The following SLC24A2 variants were observed in gnomAD, a reference collection of about 807,000 sequenced individuals.
The protein encoded by SLC24A2 is sodium/potassium/calcium exchanger 2.
Under a neutral mutation model 62.0 loss-of-function variants are expected in SLC24A2, and 36 were observed. The observed-to-expected ratio is 0.58, with a 90% CI of 0.44 to 0.77. SLC24A2 has a LOEUF of 0.77. Among genes scored for constraint, SLC24A2 ranks in the 30% least tolerant of loss-of-function variants. The pLI is 0.00. For synonymous variants in SLC24A2, 358 were observed against 294.0 expected, an observed-to-expected ratio of 1.22 and a Z score of -2.23; for missense variants, 846 against 817.9, an observed-to-expected ratio of 1.03 and a Z score of -0.42.
At chr9:19,625,167 T>C (rs1818002278) in intron 2 of SLC24A2, among the ~76,000 whole-genome samples, 1 of 152,188 alleles carries the variant, frequency 6.6e-6, no homozygotes, top group Non-Finnish European at 1.5e-5. Flanking sequence ...TTGGCATTCT[T>C]ATGATGCATT....
chr9:20,081,182 T>C, the SLC24A2 span, among the ~76,000 whole-genome samples: 1 of 152,110 alleles, frequency 6.6e-6, no homozygotes, highest in Non-Finnish European at 1.5e-5. Context: ...TGCACACGTA[T>C]GTTTATTGCG....
chr9:20,025,524 G>GTAA, the SLC24A2 span, among the ~76,000 whole-genome samples: 1 of 152,144 alleles, frequency 6.6e-6, no homozygotes, highest in Admixed American at 6.5e-5. Flanking sequence ...CTCCCTGGTA[G>GTAA]TAATAATAAT....
the SLC24A2 span, among the ~76,000 whole-genome samples, chr9:19,832,550 GA>G: frequency 6.6e-6 from 1 of 152,264 alleles, no homozygotes; most frequent in South Asian, 2.1e-4. Context: ...GTAGAAAGCT[GA>G]AACTGGATCC....
chr9:20,091,997 A>T, the SLC24A2 span, among the ~76,000 whole-genome samples: 1 of 152,208 alleles, frequency 6.6e-6, no homozygotes, highest in Admixed American at 6.5e-5. Flanking sequence ...GGGAACAGAA[A>T]ACCGAATACC....
Position 19,516,297 on chromosome 9 carries a change from C to T in SLC24A2, c.1842G>A (p.Leu614=), listed in dbSNP as rs768860932. The change falls in exon 11 of 11, where the codon CTG becomes CTA. Residue 614 remains leucine (L), a synonymous_variant. Coordinates refer to ENST00000341998, the MANE Select transcript of SLC24A2 (RefSeq NM_020344.4). ...FCAIVLLFIM[L]LFVILSIALC... Reference sequence around the variant, plus strand: ...GGGCGATAGAGAGGATGACGAAGAGCAGCATGATGAAGAGAAGGACGATGG... The same window carrying T: ...GGGCGATAGAGAGGATGACGAAGAGTAGCATGATGAAGAGAAGGACGATGG... The T allele has an allele frequency of 3.1e-6, 5 of 1,614,026 alleles. No individual in the cohort carries two copies. Among genetic ancestry groups the T allele is most frequent in the Non-Finnish European group, 4.2e-6 (5 of 1,180,028 alleles).
intron 5 of SLC24A2, among the ~76,000 whole-genome samples, chr9:19,578,877 C>T (rs1278546203): frequency 6.6e-6 from 1 of 152,154 alleles, no homozygotes; most frequent in Non-Finnish European, 1.5e-5. Flanking sequence ...GGTCTCTTTG[C>T]CACAACAAAG....
At chr9:20,087,400 A>G in the SLC24A2 span, among the ~76,000 whole-genome samples, 1 of 152,208 alleles carries the variant, frequency 6.6e-6, no homozygotes, top group Non-Finnish European at 1.5e-5. Flanking sequence ...ATGGTTTTCA[A>G]GATACACTTG....
intron 2 of SLC24A2, among the ~76,000 whole-genome samples, chr9:19,656,278 A>C (rs778277475): frequency 2.0e-5 from 3 of 152,198 alleles, no homozygotes; most frequent in Non-Finnish European, 4.4e-5. Context: ...GGAAATACTA[A>C]AAACTAATAC....
At chr9:19,992,863 A>G in the SLC24A2 span, among the ~76,000 whole-genome samples, 1 of 152,212 alleles carries the variant, frequency 6.6e-6, no homozygotes, top group Non-Finnish European at 1.5e-5. Flanking sequence ...CTTCCTGGGA[A>G]CCGCAGGACA....
the SLC24A2 span, among the ~76,000 whole-genome samples, chr9:19,812,208 C>A: frequency 2.0e-5 from 3 of 152,086 alleles, no homozygotes; most frequent in Admixed American, 1.3e-4. Context: ...GGAATGATTT[C>A]TATTTTTTCA....
chr9:19,916,070 G>C, the SLC24A2 span, among the ~76,000 whole-genome samples: 1 of 152,026 alleles, frequency 6.6e-6, no homozygotes. Flanking sequence ...AGATCCGTTA[G>C]AGATAATTTC....
At chr9:20,154,589 T>C in the SLC24A2 span, among the ~76,000 whole-genome samples, 2 of 151,350 alleles carry the variant, frequency 1.3e-5, no homozygotes, top group African/African-American at 4.8e-5. Context: ...TCAGGTAACA[T>C]TACGTAAGGT....
At chr9:19,736,018 A>C (rs947932159) in intron 2 of SLC24A2, among the ~76,000 whole-genome samples, 3 of 152,268 alleles carry the variant, frequency 2.0e-5, no homozygotes, top group African/African-American at 7.2e-5. Flanking sequence ...AAAAAGAATT[A>C]AAATATGTGA....
the SLC24A2 span, among the ~76,000 whole-genome samples, chr9:20,293,088 T>C: frequency 6.6e-6 from 1 of 152,240 alleles, no homozygotes; most frequent in Non-Finnish European, 1.5e-5. Flanking sequence ...TTCCCCTGTG[T>C]GTCTCTCCTG....
At chr9:19,974,967 G>A in the SLC24A2 span, among the ~76,000 whole-genome samples, 2 of 152,170 alleles carry the variant, frequency 1.3e-5, no homozygotes, top group South Asian at 2.1e-4. Flanking sequence ...AGGATGGGAG[G>A]AAGGCTCCTT....
At chr9:19,924,996 C>A in the SLC24A2 span, among the ~76,000 whole-genome samples, 1 of 152,112 alleles carries the variant, frequency 6.6e-6, no homozygotes. Context: ...GGTCTTTGGC[C>A]CCAGAGCAGT....
At chr9:20,255,789 G>A in the SLC24A2 span, among the ~76,000 whole-genome samples, 3 of 152,228 alleles carry the variant, frequency 2.0e-5, no homozygotes. Context: ...AAAAGGAATA[G>A]AAAGTGTGTC....
At chr9:19,760,579 A>ATT (rs1822289781) in intron 2 of SLC24A2, among the ~76,000 whole-genome samples, 1 of 151,182 alleles carries the variant, frequency 6.6e-6, no homozygotes, top group Non-Finnish European at 1.5e-5. Context: ...ATATGTTCTC[A>ATT]TTGTTCAACT....
chr9:19,698,021 A>G (rs937987751), intron 2 of SLC24A2, among the ~76,000 whole-genome samples: 1 of 152,228 alleles, frequency 6.6e-6, no homozygotes, highest in Non-Finnish European at 1.5e-5. Flanking sequence ...AAACATTTTT[A>G]TGAAATTAAA....
Sources: gnomAD v4.1 joint callset for allele counts (sites outside exome capture counted in the v4.1 genomes callset) on GRCh38, gnomAD v4.1.1 for gene constraint, MANE v1.5 for transcripts, NCBI Gene and HGNC (gene_info 2026-07-23, HGNC 2026-07-21) for gene names.